ELMO1: variants seen among roughly 807,000 people sequenced by gnomAD.
The protein encoded by ELMO1 is engulfment and cell motility 1, also known as engulfment and cell motility protein 1.
A neutral mutation model predicts 98.9 loss-of-function variants in ELMO1; 26 were observed. The ratio of observed to expected loss-of-function variants is 0.26; its 90% CI spans 0.19 to 0.36. The LOEUF (loss-of-function observed/expected upper bound fraction) is 0.36. Among genes scored for constraint, ELMO1 ranks in the 10% least tolerant of loss-of-function variants. The pLI is 1.00. For synonymous variants in ELMO1, 346 were observed against 346.0 expected (o/e 1.00, Z 0.00); for missense variants, 627 against 935.2 (o/e 0.67, Z 4.30).
intron 16 of ELMO1, among the ~76,000 whole-genome samples, chr7:36,969,706 G>A: frequency 6.6e-6 from 1 of 152,146 alleles, no homozygotes; most frequent in East Asian, 1.9e-4. Flanking sequence ...GGCTTAGAAA[G>A]TCTGGGATGA....
chr7:37,316,011 A>T (rs1326808572), intron 2 of ELMO1, 51 bp from the exon 3 acceptor site: 2 of 1,346,344 alleles, frequency 1.5e-6, no homozygotes, highest in African/African-American at 3.0e-5. Flanking sequence ...TCATCATTTT[A>T]AATTAAAAAA....
intron 1 of ELMO1, among the ~76,000 whole-genome samples, chr7:37,359,988 G>A (rs559111874): frequency 6.6e-6 from 1 of 152,216 alleles, no homozygotes; most frequent in East Asian, 1.9e-4. Context: ...GCTGCAACTT[G>A]ATACTACCTC....
chr7:36,953,085 C>T (rs1280154641), intron 16 of ELMO1, among the ~76,000 whole-genome samples: 1 of 151,324 alleles, frequency 6.6e-6, no homozygotes, highest in East Asian at 1.9e-4. Context: ...CCTGCCTCAG[C>T]CTCCCGAGTA....
chr7:37,046,996 AATT>A (rs1324140389), intron 15 of ELMO1, among the ~76,000 whole-genome samples: 5 of 152,234 alleles, frequency 3.3e-5, no homozygotes, highest in African/African-American at 1.2e-4. Context: ...CTGATAAGAA[AATT>A]ATGATTTAGG....
chr7:36,946,978 A>T (rs891726808), intron 16 of ELMO1, among the ~76,000 whole-genome samples: 2 of 152,136 alleles, frequency 1.3e-5, no homozygotes, highest in African/African-American at 2.4e-5. Flanking sequence ...GTTATTTTTT[A>T]AAAATTATTT....
intron 4 of ELMO1, among the ~76,000 whole-genome samples, chr7:37,294,022 T>C (rs1797899442): frequency 1.3e-5 from 2 of 152,152 alleles, no homozygotes; most frequent in Non-Finnish European, 2.9e-5. Flanking sequence ...ACTTACACTC[T>C]TGAATTTGTT....
chr7:37,168,515 G>T (rs1584754363), intron 13 of ELMO1, among the ~76,000 whole-genome samples: 1 of 151,962 alleles, frequency 6.6e-6, no homozygotes, highest in East Asian at 1.9e-4. Flanking sequence ...ATGGGTTTTT[G>T]GTGTGGATGT....
chr7:37,178,272 C>T (rs538261682), intron 13 of ELMO1, among the ~76,000 whole-genome samples: 3 of 151,792 alleles, frequency 2.0e-5, no homozygotes, highest in African/African-American at 7.2e-5. Context: ...AGAATAAGAA[C>T]CAAGCAAAGG....
chr7:37,101,152 T>C (rs1047782563), intron 14 of ELMO1, among the ~76,000 whole-genome samples: 2 of 152,124 alleles, frequency 1.3e-5, no homozygotes, highest in Non-Finnish European at 2.9e-5. Context: ...TAGGGACTCA[T>C]GAAAGTAAAC....
intron 7 of ELMO1, among the ~76,000 whole-genome samples, chr7:37,235,816 C>A (rs1324088620): frequency 6.6e-6 from 1 of 152,208 alleles, no homozygotes. Context: ...GCCTGTAGTT[C>A]CAGCTACTCT....
chr7:37,343,344 G>T, intron 1 of ELMO1, among the ~76,000 whole-genome samples: 1 of 152,100 alleles, frequency 6.6e-6, no homozygotes, highest in East Asian at 1.9e-4. Context: ...TTCGGTGGGG[G>T]GTGGGGGTGG....
At chr7:37,434,478 A>C (rs1350394879) in intron 1 of ELMO1, among the ~76,000 whole-genome samples, 2 of 152,230 alleles carry the variant, frequency 1.3e-5, no homozygotes, top group African/African-American at 2.4e-5. Context: ...CTAGTGGCTA[A>C]ATTGATTCTT....
intron 13 of ELMO1, among the ~76,000 whole-genome samples, chr7:37,177,338 C>T (rs557960693): frequency 1.3e-5 from 2 of 152,128 alleles, no homozygotes; most frequent in South Asian, 4.1e-4. Flanking sequence ...ACATCATGAG[C>T]ACAAGAAAGT....
intron 1 of ELMO1, among the ~76,000 whole-genome samples, chr7:37,405,763 G>A (rs1803730441): frequency 6.6e-6 from 1 of 152,132 alleles, no homozygotes; most frequent in Admixed American, 6.5e-5. Context: ...TACTCCAAAG[G>A]CTTTCCAGGG....
chr7:37,196,405 G>A (rs1258226373), intron 13 of ELMO1, among the ~76,000 whole-genome samples: 1 of 152,172 alleles, frequency 6.6e-6, no homozygotes, highest in Non-Finnish European at 1.5e-5. Flanking sequence ...ATAGAAACGT[G>A]GCCTTGCTCC....
rs148508980 is a variant in ELMO1, at chr7:37,273,864, C to T, written c.193-1982G>A. On this transcript the variant is annotated intron_variant, in intron 4 of 21. Coordinates refer to ENST00000310758, the MANE Select transcript of ELMO1 (RefSeq NM_014800.11). Reference sequence around the variant, plus strand: ...CAAAGACATATAAGATTGCTTGCTTCCTCAGCCAATTCTGACGATTTTTTG... The same window carrying T: ...CAAAGACATATAAGATTGCTTGCTTTCTCAGCCAATTCTGACGATTTTTTG... 4.7e-4 allele frequency among the ~76,000 whole-genome samples: 72 copies of T among 152,316 alleles called. 1 individual carries two copies. Among genetic ancestry groups the T allele is most frequent in the Admixed American group, 1.7e-3 (26 of 15,294 alleles).
At chr7:37,263,690 A>G (rs113148975) in intron 5 of ELMO1, among the ~76,000 whole-genome samples, 1 of 152,140 alleles carries the variant, frequency 6.6e-6, no homozygotes, top group Middle Eastern at 3.2e-3. Flanking sequence ...GGGCAGCATC[A>G]ATGGTTAGTG....
At chr7:37,152,677 G>T (rs1211534205) in intron 13 of ELMO1, among the ~76,000 whole-genome samples, 1 of 152,112 alleles carries the variant, frequency 6.6e-6, no homozygotes, top group African/African-American at 2.4e-5. Flanking sequence ...CGGAAAGAAG[G>T]GAGGCTGAAA....
In ELMO1 at chr7:37,133,124, G is replaced by T. The variant is rs1325415728; in HGVS notation, c.1191+6C>A. On this transcript the variant is annotated splice_donor_region_variant and intron_variant, in intron 14 of 21. Transcript: ENST00000310758. Reference sequence around the variant, plus strand: ...CACAATATCTGAAAAGGGGCTTCTTGCTTACCCGGATGTAGGCATCTTGGT... The same window carrying T: ...CACAATATCTGAAAAGGGGCTTCTTTCTTACCCGGATGTAGGCATCTTGGT... The T allele has an allele frequency of 1.9e-6, 3 of 1,602,780 alleles. No individual in the cohort carries two copies. The highest frequency in any genetic ancestry group is 2.6e-6 in the Non-Finnish European group (3 of 1,174,330).
Sources: gnomAD v4.1 joint callset for allele counts (sites outside exome capture counted in the v4.1 genomes callset) on GRCh38, gnomAD v4.1.1 for gene constraint, MANE v1.5 for transcripts, NCBI Gene and HGNC (gene_info 2026-07-23, HGNC 2026-07-21) for gene names.